Variants in EVI5 observed in about 807,000 individuals in gnomAD.
EVI5 encodes ecotropic viral integration site 5.
A neutral mutation model predicts 112.0 loss-of-function variants in EVI5; 73 were observed. The ratio of observed to expected loss-of-function variants is 0.65; its 90% CI spans 0.54 to 0.79. The LOEUF (loss-of-function observed/expected upper bound fraction) is 0.79. Among genes scored for constraint, EVI5 ranks in the 30% least tolerant of loss-of-function variants. The pLI is 0.00. For missense variants in EVI5, 900 were observed against 968.8 expected, an observed-to-expected ratio of 0.93 and a Z score of 0.94; for synonymous variants, 305 against 319.9, an observed-to-expected ratio of 0.95 and a Z score of 0.50.
At chr1:92,675,471 T>G (rs972002293) in intron 10 of EVI5, among the ~76,000 whole-genome samples, 3 of 152,230 alleles carry the variant, frequency 2.0e-5, no homozygotes, top group Admixed American at 1.3e-4. Context: ...GTAAGGATTG[T>G]TCATAGAACT....
intron 18 of EVI5, 131 bp from the exon 19 acceptor site, chr1:92,563,868 T>C: frequency 2.1e-6 from 1 of 478,180 alleles, no homozygotes; most frequent in African/African-American, 2.0e-5. Context: ...AAATCCATTC[T>C]CAAACTACCT....
intron 19 of EVI5, among the ~76,000 whole-genome samples, chr1:92,548,674 A>T (rs577571584): frequency 2.1e-4 from 32 of 152,328 alleles, no homozygotes; most frequent in African/African-American, 7.5e-4. Context: ...CAATGTGCAA[A>T]AATCACAAGC....
rs950114202 is a variant in EVI5 at position 92,784,541 on chromosome 1, C to G, written c.-82+295G>C. 31 of 491,550 alleles carry G rather than the reference C, an allele frequency of 6.3e-5. 1 individual carries two copies. The highest frequency in any genetic ancestry group is 7.0e-6 in the Non-Finnish European group (3 of 430,236). The allele number at this position is 491,550 out of a possible 1,614,324, so 30.4% of individuals were successfully genotyped here. The stretch of plus-strand genomic sequence containing the variant: ...CCACGGGATTTACGAGGACGTGCCC[C>G]CGAAGCTGCTCCGTCCCTCCACCGC... On this transcript the variant is annotated intron_variant, in intron 1 of 19. Transcript: ENST00000684568.
chr1:92,641,155 T>C (rs566442341), intron 13 of EVI5, among the ~76,000 whole-genome samples: 2 of 152,154 alleles, frequency 1.3e-5, no homozygotes, highest in South Asian at 2.1e-4. Flanking sequence ...GTAACAAACC[T>C]GCACATTCTG....
intron 1 of EVI5, chr1:92,755,863 G>A (rs146701940): frequency 6.8e-5 from 11 of 162,072 alleles, no homozygotes; most frequent in Non-Finnish European, 1.4e-4. Context: ...AATATTCACC[G>A]AGCACTTGGT....
chr1:92,638,773 T>C (rs902268423), intron 13 of EVI5, among the ~76,000 whole-genome samples: 12 of 152,176 alleles, frequency 7.9e-5, no homozygotes, highest in Admixed American at 1.3e-4. Context: ...GTGCTATTAA[T>C]TGACAGTTTG....
At chr1:92,639,856 T>G (rs1229711210) in intron 13 of EVI5, among the ~76,000 whole-genome samples, 1 of 152,202 alleles carries the variant, frequency 6.6e-6, no homozygotes, top group Non-Finnish European at 1.5e-5. Flanking sequence ...TCACGCTACC[T>G]GACTTCAAAC....
intron 2 of EVI5, among the ~76,000 whole-genome samples, chr1:92,728,012 G>C (rs1476214913): frequency 2.7e-5 from 1 of 37,646 alleles, no homozygotes; most frequent in African/African-American, 8.6e-5. Context: ...AAAAGTTAAA[G>C]ATAAACAAAA....
At chr1:92,789,593 C>T (rs1041617801), upstream of EVI5, among the ~76,000 whole-genome samples, 7 of 152,252 alleles carry the variant, frequency 4.6e-5, no homozygotes, top group African/African-American at 7.2e-5. Flanking sequence ...TGAACCACCG[C>T]GCCTGGCCTT....
At chr1:92,741,987 T>G (rs1050178723) in intron 1 of EVI5, among the ~76,000 whole-genome samples, 16 of 151,926 alleles carry the variant, frequency 1.1e-4, no homozygotes, top group African/African-American at 3.9e-4. Flanking sequence ...CCATCAAAAT[T>G]AAAAACTTTT....
At chr1:92,740,251 A>G (rs1433625761) in intron 1 of EVI5, among the ~76,000 whole-genome samples, 1 of 152,194 alleles carries the variant, frequency 6.6e-6, no homozygotes, top group African/African-American at 2.4e-5. Context: ...TTCAAAAAGT[A>G]CAGGAACCAG....
intron 9 of EVI5, among the ~76,000 whole-genome samples, chr1:92,684,949 A>T (rs986808026): frequency 6.6e-5 from 10 of 152,076 alleles, no homozygotes; most frequent in African/African-American, 2.4e-4. Context: ...CCTACACAAT[A>T]ATAATGGGAG....
At chr1:92,519,060 C>T (rs552837162) in intron 19 of EVI5, among the ~76,000 whole-genome samples, 5 of 152,106 alleles carry the variant, frequency 3.3e-5, no homozygotes, top group East Asian at 1.9e-4. Flanking sequence ...GTTTTTAAAA[C>T]GTCTTTTGGA....
intron 19 of EVI5, among the ~76,000 whole-genome samples, chr1:92,538,791 A>C (rs1352839151): frequency 6.6e-6 from 1 of 152,188 alleles, no homozygotes; most frequent in African/African-American, 2.4e-5. Flanking sequence ...TGGAGGGAGG[A>C]GAAATCAGGC....
chr1:92,551,221 C>G (rs1283904843), intron 19 of EVI5, among the ~76,000 whole-genome samples: 1 of 151,534 alleles, frequency 6.6e-6, no homozygotes, highest in African/African-American at 2.4e-5. Flanking sequence ...TTTGTAGAGA[C>G]AGGGTTTCTC....
At chr1:92,534,552 A>G (rs1000436048) in intron 19 of EVI5, among the ~76,000 whole-genome samples, 1 of 152,234 alleles carries the variant, frequency 6.6e-6, no homozygotes, top group Non-Finnish European at 1.5e-5. Flanking sequence ...TACAGTAACC[A>G]AAACAGCATG....
At chr1:92,637,742 C>G (rs761382882) in intron 13 of EVI5, among the ~76,000 whole-genome samples, 3 of 152,110 alleles carry the variant, frequency 2.0e-5, no homozygotes, top group Non-Finnish European at 4.4e-5. Context: ...TATTTTTACT[C>G]TTTAATATGT....
chr1:92,527,805 G>A (rs1414651801), intron 19 of EVI5, among the ~76,000 whole-genome samples: 1 of 152,176 alleles, frequency 6.6e-6, no homozygotes, highest in Non-Finnish European at 1.5e-5. Flanking sequence ...ATATAGCATG[G>A]TAGCTTATGC....
At chr1:92,517,030 T>C (rs748878318) in intron 19 of EVI5, among the ~76,000 whole-genome samples, 1 of 152,216 alleles carries the variant, frequency 6.6e-6, no homozygotes, top group Non-Finnish European at 1.5e-5. Flanking sequence ...ATCCAAGGAT[T>C]TTGAATCCTT....
Sources: allele counts gnomAD v4.1 joint callset (sites outside exome capture counted in the v4.1 genomes callset), GRCh38; gene constraint gnomAD v4.1.1; transcripts MANE v1.5; gene names NCBI Gene and HGNC (gene_info 2026-07-23, HGNC 2026-07-21).